Variants in MRTFB observed in about 807,000 individuals in gnomAD.
MRTFB encodes the protein myocardin-related transcription factor B.
In MRTFB, 29 loss-of-function variants were observed where a neutral mutation model predicts 104.2. That is an observed-to-expected ratio of 0.28 (90% CI 0.21 to 0.38). The LOEUF is 0.38. MRTFB is among the 10% of genes least tolerant of loss of function. MRTFB has a pLI of 1.00. For missense variants in MRTFB, 1,270 were observed against 1,341.6 expected (o/e 0.95, Z 0.83); for synonymous variants, 535 against 519.5 (o/e 1.03, Z -0.41).
chr16:14,207,480 T>TA (rs1240762709), intron 3 of MRTFB, among the ~76,000 whole-genome samples: 1 of 152,220 alleles, frequency 6.6e-6, no homozygotes, highest in Admixed American at 6.5e-5. Flanking sequence ...CATCATTTGT[T>TA]ATACATTTGG....
At chr16:14,172,476 A>G (rs557080794) in intron 3 of MRTFB, among the ~76,000 whole-genome samples, 1 of 152,260 alleles carries the variant, frequency 6.6e-6, no homozygotes, top group East Asian at 1.9e-4. Context: ...TTCCTGTTAC[A>G]AACTGCTGCA....
Position 14,212,573 on chromosome 16 carries a change from G to A in MRTFB, c.276+164G>A, listed in dbSNP as rs372367342. On this transcript the variant is annotated intron_variant, in intron 5 of 16. Coordinates refer to ENST00000571589, the MANE Select transcript of MRTFB (RefSeq NM_001308142.2). The stretch of plus-strand genomic sequence containing the variant: ...GAGAATATTTACTCTGGGATAGTTT[G>A]ATCTGGAGGTTTGCAGAAAATACAT... Among the ~76,000 whole-genome samples the A allele has an allele frequency of 9.8e-5, 15 of 152,312 alleles. No homozygotes were observed. The South Asian group carries it at 2.3e-3, about 23-fold the overall frequency.
At chr16:14,032,356 C>T in the MRTFB span, among the ~76,000 whole-genome samples, 1 of 152,154 alleles carries the variant, frequency 6.6e-6, no homozygotes, top group Admixed American at 6.5e-5. Context: ...GGTTGGTTAA[C>T]ACATGCAAGG....
rs200887763 is a variant in MRTFB, at chr16:14,210,350, C to T, written c.220+42C>T. The T allele has an allele frequency of 1.3e-3, 1,902 of 1,516,510 alleles. 1 individual carries two copies. The highest frequency in any genetic ancestry group is 1.6e-3 in the Non-Finnish European group (1,700 of 1,096,400). 93.9% of individuals were successfully genotyped at this position (1,516,510 alleles called of 1,614,324 possible). On this transcript the variant is annotated intron_variant, in intron 4 of 16. Transcript: ENST00000571589. ...CACTGCCATCCCTAACGTGACAGAACATGACGGGCGTGTCCAAGAAGAGCC... is the reference window on the plus strand; with the variant it reads ...CACTGCCATCCCTAACGTGACAGAATATGACGGGCGTGTCCAAGAAGAGCC...
intron 3 of MRTFB, among the ~76,000 whole-genome samples, chr16:14,208,558 T>C (rs1269264670): frequency 6.6e-6 from 1 of 152,242 alleles, no homozygotes; most frequent in Non-Finnish European, 1.5e-5. Flanking sequence ...GTATCAACCT[T>C]TGATCTGGAG....
At chr16:14,200,829 C>G in intron 3 of MRTFB, 1 of 1,469,076 alleles carries the variant, frequency 6.8e-7, no homozygotes, top group Non-Finnish European at 9.5e-7. Context: ...CGGTGGTTAT[C>G]GTGGGTGTGG....
chr16:14,059,700 T>C, the MRTFB span, among the ~76,000 whole-genome samples: 1 of 152,144 alleles, frequency 6.6e-6, no homozygotes, highest in Admixed American at 6.6e-5. Context: ...AGGAAAATCA[T>C]GCTGGACAGA....
At chr16:14,221,682 C>T (rs1011781257) in intron 8 of MRTFB, among the ~76,000 whole-genome samples, 6 of 151,692 alleles carry the variant, frequency 4.0e-5, no homozygotes, top group African/African-American at 1.5e-4. Flanking sequence ...GAAAATAACT[C>T]ATTGTAAGAG....
intron 3 of MRTFB, among the ~76,000 whole-genome samples, chr16:14,163,891 C>G (rs1477264632): frequency 6.7e-6 from 1 of 150,348 alleles, no homozygotes; most frequent in East Asian, 2.0e-4. Flanking sequence ...CACTAGAAAA[C>G]ATACTAGAGG....
chr16:13,994,867 C>T, the MRTFB span, among the ~76,000 whole-genome samples: 1 of 152,164 alleles, frequency 6.6e-6, no homozygotes, highest in African/African-American at 2.4e-5. Flanking sequence ...CCCGTAAACC[C>T]CTTTCCCTTT....
intron 2 of MRTFB, among the ~76,000 whole-genome samples, chr16:14,140,207 A>G (rs998325056): frequency 2.0e-5 from 3 of 152,190 alleles, no homozygotes; most frequent in East Asian, 3.8e-4. Context: ...AAGCCAGACT[A>G]CTTCTTTATT....
chr16:14,021,968 C>G, the MRTFB span, among the ~76,000 whole-genome samples: 2 of 152,110 alleles, frequency 1.3e-5, no homozygotes, highest in Non-Finnish European at 2.9e-5. Context: ...ATGGTAGATT[C>G]CTTAAAGAAC....
chr16:14,174,707 CCTTT>C (rs1597152980), intron 3 of MRTFB, among the ~76,000 whole-genome samples: 2 of 152,148 alleles, frequency 1.3e-5, no homozygotes, highest in Non-Finnish European at 2.9e-5. Context: ...AAAATGTCTT[CCTTT>C]GTCACATACA....
chr16:14,181,264 A>G (rs982528314), intron 3 of MRTFB, among the ~76,000 whole-genome samples: 2 of 152,182 alleles, frequency 1.3e-5, no homozygotes, highest in African/African-American at 2.4e-5. Context: ...CTAAAGGTAT[A>G]GTATTTTACG....
intron 10 of MRTFB, among the ~76,000 whole-genome samples, chr16:14,244,315 C>T (rs1041433856): frequency 2.6e-5 from 4 of 152,086 alleles, no homozygotes; most frequent in Non-Finnish European, 5.9e-5. Flanking sequence ...TGGGTTGCTT[C>T]CAGTTGGGGC....
At chr16:14,184,975 C>T (rs1425324415) in intron 3 of MRTFB, among the ~76,000 whole-genome samples, 1 of 152,150 alleles carries the variant, frequency 6.6e-6, no homozygotes, top group Admixed American at 6.5e-5. Flanking sequence ...TTAGATAAAC[C>T]TTGCAAAACA....
At chr16:14,232,055 T>C (rs529710015) in intron 8 of MRTFB, among the ~76,000 whole-genome samples, 4 of 152,306 alleles carry the variant, frequency 2.6e-5, no homozygotes, top group South Asian at 2.1e-4. Context: ...ATCATAAATA[T>C]TACATTTGAT....
intron 2 of MRTFB, among the ~76,000 whole-genome samples, chr16:14,097,140 C>T (rs773965358): frequency 2.0e-4 from 31 of 152,164 alleles, no homozygotes; most frequent in Admixed American, 6.6e-4. Context: ...AGAGGAGATG[C>T]AGAGTGGCCT....
At chr16:14,128,594 C>G (rs569899382) in intron 2 of MRTFB, among the ~76,000 whole-genome samples, 9 of 152,280 alleles carry the variant, frequency 5.9e-5, no homozygotes, top group Admixed American at 5.9e-4. Context: ...CAAGTTAACC[C>G]CCTGCTTTCA....
Sources: allele counts gnomAD v4.1 joint callset (sites outside exome capture counted in the v4.1 genomes callset), GRCh38; gene constraint gnomAD v4.1.1; transcripts MANE v1.5; gene names NCBI Gene and HGNC (gene_info 2026-07-23, HGNC 2026-07-21).